The following SRPK2 variants were observed in gnomAD, a reference collection of about 807,000 sequenced individuals.
SRPK2 encodes SRSF protein kinase 2.
A neutral mutation model predicts 90.8 loss-of-function variants in SRPK2; 21 were observed. The ratio of observed to expected loss-of-function variants is 0.23; its 90% confidence interval spans 0.16 to 0.33. The LOEUF is 0.33. Among genes scored for constraint, SRPK2 ranks in the 10% least tolerant of loss-of-function variants. SRPK2 has a pLI of 1.00. For missense variants in SRPK2, 620 were observed against 869.0 expected, an observed-to-expected ratio of 0.71 and a Z score of 3.60; for synonymous variants, 288 against 311.1, an observed-to-expected ratio of 0.93 and a Z score of 0.78.
At chr7:105,359,921 C>G (rs993763747) in intron 2 of SRPK2, among the ~76,000 whole-genome samples, 2 of 152,066 alleles carry the variant, frequency 1.3e-5, no homozygotes, top group African/African-American at 2.4e-5. Flanking sequence ...GAGTTCAAGT[C>G]CTGGATATCC....
chr7:105,264,816 G>A (rs537536339), intron 2 of SRPK2, among the ~76,000 whole-genome samples: 13 of 152,238 alleles, frequency 8.5e-5, no homozygotes, highest in African/African-American at 2.9e-4. Context: ...AGCAGATGTG[G>A]GCAATGCTAT....
At chr7:105,285,681 A>G (rs1808007047) in intron 2 of SRPK2, among the ~76,000 whole-genome samples, 2 of 152,076 alleles carry the variant, frequency 1.3e-5, no homozygotes, top group African/African-American at 4.8e-5. Context: ...GTTTAAAAGT[A>G]TCTGGCACTT....
chr7:105,221,014 T>C (rs769505474), intron 2 of SRPK2, among the ~76,000 whole-genome samples: 1 of 152,228 alleles, frequency 6.6e-6, no homozygotes, highest in Non-Finnish European at 1.5e-5. Flanking sequence ...CAGTATTTAT[T>C]TGGCAGAATC....
chr7:105,352,702 C>T (rs1004672938), intron 2 of SRPK2, among the ~76,000 whole-genome samples: 15 of 152,300 alleles, frequency 9.8e-5, no homozygotes, highest in Non-Finnish European at 1.0e-4. Flanking sequence ...GGTATCGAGA[C>T]CAGCCTGGCC....
At chr7:105,226,059 G>C (rs951513571) in intron 2 of SRPK2, among the ~76,000 whole-genome samples, 1 of 152,100 alleles carries the variant, frequency 6.6e-6, no homozygotes, top group African/African-American at 2.4e-5. Context: ...TTAAAATGTA[G>C]CTTGTTACTA....
At chr7:105,159,680 C>T (rs1168003823) in intron 7 of SRPK2, among the ~76,000 whole-genome samples, 1 of 152,082 alleles carries the variant, frequency 6.6e-6, no homozygotes, top group African/African-American at 2.4e-5. Context: ...TCCATCTACG[C>T]ATACTTTCAT....
chr7:105,239,204 T>C (rs570891631), intron 2 of SRPK2, among the ~76,000 whole-genome samples: 38 of 152,344 alleles, frequency 2.5e-4, no homozygotes, highest in South Asian at 1.2e-3. Flanking sequence ...TCTTCCTATA[T>C]AGCACAATTT....
At chr7:105,367,292 C>T (rs755562862) in intron 2 of SRPK2, among the ~76,000 whole-genome samples, 9 of 151,824 alleles carry the variant, frequency 5.9e-5, no homozygotes, top group Non-Finnish European at 1.2e-4. Context: ...AGACAGGTTC[C>T]GGCTCTGTCA....
At chr7:105,125,912 C>T (rs747221825) in intron 15 of SRPK2, 27 of 1,114,998 alleles carry the variant, frequency 2.4e-5, no homozygotes, top group African/African-American at 3.2e-5. Context: ...CAGAAACACA[C>T]GACAGTTTAA....
chr7:105,326,765 T>A (rs899965307), intron 2 of SRPK2, among the ~76,000 whole-genome samples: 9 of 152,210 alleles, frequency 5.9e-5, no homozygotes, highest in African/African-American at 2.2e-4. Context: ...AGTGTTTTTG[T>A]AAAGAATTAA....
At chr7:105,301,352 C>A (rs1489006323) in intron 2 of SRPK2, among the ~76,000 whole-genome samples, 2 of 152,052 alleles carry the variant, frequency 1.3e-5, no homozygotes, top group African/African-American at 4.8e-5. Context: ...CAGCTGGGCG[C>A]TGCCGAGGCC....
At chr7:105,310,249 G>A (rs1452974028) in intron 2 of SRPK2, among the ~76,000 whole-genome samples, 1 of 152,200 alleles carries the variant, frequency 6.6e-6, no homozygotes, top group Non-Finnish European at 1.5e-5. Context: ...GGGAGAGACT[G>A]AAGACAAACA....
intron 2 of SRPK2, among the ~76,000 whole-genome samples, chr7:105,222,657 G>T (rs1798242077): frequency 1.3e-5 from 2 of 152,060 alleles, no homozygotes; most frequent in South Asian, 4.2e-4. Context: ...TTACATTTTT[G>T]AGAAAGATCA....
chr7:105,391,497 G>A (rs974019505), upstream of SRPK2, among the ~76,000 whole-genome samples: 17 of 152,042 alleles, frequency 1.1e-4, no homozygotes, highest in African/African-American at 3.6e-4. Context: ...GAGCCACTGC[G>A]CCCGGCTAAA....
chr7:105,362,402 T>C (rs112566224), intron 2 of SRPK2, among the ~76,000 whole-genome samples: 4,541 of 151,362 alleles, frequency 0.03, 246 homozygotes, highest in African/African-American at 0.1. Context: ...GGTTGGGAGA[T>C]GGAGACCATC....
intron 2 of SRPK2, among the ~76,000 whole-genome samples, chr7:105,329,117 G>A (rs1311475340): frequency 6.6e-6 from 1 of 152,036 alleles, no homozygotes; most frequent in Non-Finnish European, 1.5e-5. Flanking sequence ...GATCTATAGG[G>A]CCAGTTTTAA....
rs749102424 is a variant in SRPK2 at position 105,350,128 on chromosome 7, ATTTTTTT to A, written c.71+38513_71+38519del. On this transcript the variant is annotated intron_variant, in intron 2 of 15. Transcript: ENST00000393651. ...TCACAATAACCCTGTAGTTGCTATA[ATTTTTTT>A]TTTTTTTTTTTGGAGACAAGAGTCT... is the stretch of plus-strand genomic sequence containing the variant. 3.1e-4 allele frequency among the ~76,000 whole-genome samples: 41 copies of A among 133,606 alleles called. 1 individual carries two copies. The highest frequency in any genetic ancestry group is 7.0e-4 in the South Asian group (3 of 4,282). The allele number at this position is 133,606 out of a possible 152,430, so 87.7% of individuals were successfully genotyped here.
intron 2 of SRPK2, among the ~76,000 whole-genome samples, chr7:105,254,673 TTTG>T (rs952354260): frequency 6.6e-5 from 10 of 151,908 alleles, no homozygotes; most frequent in African/African-American, 1.2e-4. Context: ...TTGTTTTTTT[TTTG>T]TTGTTGTTGT....
In SRPK2 at chr7:105,310,786, T is replaced by C. The variant is rs1336434506; in HGVS notation, c.71+77862A>G. ...TGACATTCTTTTCCCCAATCTTTAT[T>C]CTACTTATTTTTCCTTTGATCCTAG... On this transcript the variant is annotated intron_variant, in intron 2 of 15. Transcript: ENST00000393651. 3.9e-5 allele frequency among the ~76,000 whole-genome samples: 6 copies of C among 152,326 alleles called. No individual in the cohort carries two copies. In the East Asian group the frequency reaches 1.2e-3, roughly 29 times the overall value.
Sources: gnomAD v4.1 joint callset for allele counts (sites outside exome capture counted in the v4.1 genomes callset) on GRCh38, gnomAD v4.1.1 for gene constraint, MANE v1.5 for transcripts, NCBI Gene and HGNC (gene_info 2026-07-23, HGNC 2026-07-21) for gene names.